VLDLR: variants seen among roughly 807,000 people sequenced by gnomAD.
VLDLR encodes the protein very low-density lipoprotein receptor.
In VLDLR, 81 loss-of-function variants were observed where a neutral mutation model predicts 112.7. The observed-to-expected ratio is 0.72, with a 90% CI of 0.60 to 0.86. VLDLR has a LOEUF of 0.86. Among genes scored for constraint, VLDLR ranks in the 40% least tolerant of loss-of-function variants. The probability of loss-of-function intolerance (pLI) is 0.00; values close to 1 mark genes in which losing one functional copy is unlikely to be tolerated. For synonymous variants in VLDLR, 436 were observed against 384.8 expected (o/e 1.13, Z -1.56); for missense variants, 1,237 against 1,099.4 (o/e 1.13, Z -1.77).
intron 11 of VLDLR, among the ~76,000 whole-genome samples, chr9:2,646,768 T>A (rs1277783445): frequency 6.6e-6 from 1 of 152,244 alleles, no homozygotes; most frequent in Non-Finnish European, 1.5e-5. Context: ...CTCGTATGAC[T>A]GATTGCTGGC....
At chr9:2,633,233 C>G (rs1024852639) in intron 1 of VLDLR, among the ~76,000 whole-genome samples, 2 of 152,104 alleles carry the variant, frequency 1.3e-5, no homozygotes, top group African/African-American at 4.8e-5. Flanking sequence ...TGATGCCTGT[C>G]CTGAGTCTCC....
rs1390045423 is a variant in VLDLR at position 2,658,253 on chromosome 9, TAACA to T, written c.*4389_*4392del. On this transcript the variant is annotated 3_prime_UTR_variant, in exon 19 of 19. Transcript: ENST00000382100. ...AGGGATCCATAGATAAATAAGCTAC[TAACA>T]AACTGATAACAGTGGTGTTCCATCT... The T allele has an allele frequency of 1.3e-5, 2 of 152,210 alleles. No individual in the cohort carries two copies. Among genetic ancestry groups the T allele is most frequent in the African/African-American group, 4.8e-5 (2 of 41,444 alleles). The allele number at this position is 152,210 out of a possible 1,614,324, so 9.4% of individuals were successfully genotyped here.
chr9:2,652,060 G>C (rs1173640467), intron 17 of VLDLR, 106 bp downstream of exon 17: 4 of 1,020,604 alleles, frequency 3.9e-6, no homozygotes. Context: ...ATGCTGTCTA[G>C]CATTTATGAC....
chr9:2,641,574 C>A (rs578098528), intron 4 of VLDLR, 75 bp downstream of exon 4: 1 of 1,606,766 alleles, frequency 6.2e-7, no homozygotes, highest in East Asian at 2.2e-5. Context: ...GGAAACTAAT[C>A]TAAGCCTGAA....
intron 3 of VLDLR, among the ~76,000 whole-genome samples, chr9:2,640,590 T>G (rs1817781500): frequency 6.6e-6 from 1 of 152,132 alleles, no homozygotes; most frequent in East Asian, 1.9e-4. Flanking sequence ...TGGGATCATA[T>G]AAATTGAGAT....
At chr9:2,637,681 C>T (rs1046176170) in intron 2 of VLDLR, among the ~76,000 whole-genome samples, 1 of 152,216 alleles carries the variant, frequency 6.6e-6, no homozygotes, top group African/African-American at 2.4e-5. Context: ...GTGGCTCACG[C>T]CTATAATCCC....
In VLDLR at chr9:2,639,923, G is replaced by A; in HGVS notation, c.267G>A (p.Trp89Ter). The change falls in exon 3 of 19, where the codon TGG becomes TGA. Residue 89 changes from tryptophan to a stop codon, truncating the protein, a stop_gained. Coordinates refer to ENST00000382100, the MANE Select transcript of VLDLR (RefSeq NM_003383.5). LOFTEE classifies it high-confidence loss of function. ...CNNGQCVPSR[W>*]KCDGDPDCED... ...ATGGCCAGTGTGTTCCCAGCCGATGGAAGTGTGATGGAGATCCTGACTGCG... is the reference window on the plus strand; with the variant it reads ...ATGGCCAGTGTGTTCCCAGCCGATGAAAGTGTGATGGAGATCCTGACTGCG... 6.2e-7 allele frequency: 1 copy of A among 1,614,214 alleles called. No individual in the cohort carries two copies. The highest frequency in any genetic ancestry group is 8.5e-7 in the Non-Finnish European group (1 of 1,180,038).
chr9:2,654,047 T>G lies in VLDLR; in HGVS notation c.*179T>G. ...TTTATATTACTTTTGTAAATATTCT[T>G]GTCCACATTCTACTTCAGCTTTGGA... is the stretch of plus-strand genomic sequence containing the variant. On this transcript the variant is annotated 3_prime_UTR_variant, in exon 19 of 19. Coordinates refer to ENST00000382100, the MANE Select transcript of VLDLR (RefSeq NM_003383.5). 1.6e-6 allele frequency: 1 copy of G among 631,166 alleles called. No homozygotes were observed. The highest frequency in any genetic ancestry group is 2.8e-6 in the Non-Finnish European group (1 of 358,924). The allele number at this position is 631,166 out of a possible 1,614,324, so 39.1% of individuals were successfully genotyped here.
chr9:2,656,476 T>C lies in VLDLR; in HGVS notation c.*2608T>C, dbSNP rs2130818863. On this transcript the variant is annotated 3_prime_UTR_variant, in exon 19 of 19. Transcript: ENST00000382100. ...TAAAAGAAAAAAATAGTTATATGAC[T>C]AAACTACTAGTCAATACAGCTTGCA... 1 of 152,194 alleles carries C rather than the reference T, an allele frequency of 6.6e-6. No homozygotes were observed. Among genetic ancestry groups the C allele is most frequent in the Middle Eastern group, 3.4e-3 (1 of 294 alleles). The allele number at this position is 152,194 out of a possible 1,614,324, so 9.4% of individuals were successfully genotyped here. A position where few individuals can be genotyped will look rare whatever the true frequency, so the allele number is the denominator to read the frequency against.
chr9:2,630,494 C>G (rs1259463267), intron 1 of VLDLR, among the ~76,000 whole-genome samples: 1 of 152,156 alleles, frequency 6.6e-6, no homozygotes, highest in Non-Finnish European at 1.5e-5. Context: ...TCTGTGCAGG[C>G]TGAAGTACGC....
chr9:2,627,552 ACT>A (rs1368486209), intron 1 of VLDLR, among the ~76,000 whole-genome samples: 3 of 152,054 alleles, frequency 2.0e-5, no homozygotes, highest in Non-Finnish European at 2.9e-5. Context: ...GTGAAAATGC[ACT>A]GTTTTTAAAT....
chr9:2,651,916 C>G lies in VLDLR; in HGVS notation c.2378C>G (p.Pro793Arg), dbSNP rs758903406. 2 of 1,614,096 alleles carry G rather than the reference C, an allele frequency of 1.2e-6. No individual in the cohort carries two copies. Among genetic ancestry groups the G allele is most frequent in the Admixed American group, 1.7e-5 (1 of 60,012 alleles). ...TTAVSEVSVPPKGTSAAWAIL... is the reference protein window; with the variant it reads ...TTAVSEVSVPRKGTSAAWAIL... ...GCAGTATCAGAGGTCAGTGTTCCCC[C>G]AAAAGGGACTTCTGCCGCATGGGCC... Residue 793 changes from proline to arginine, a missense_variant, in exon 17 of 19, where the codon CCA becomes CGA. Physicochemically the swap from Pro to Arg is moderately radical, Grantham distance 103. Transcript: ENST00000382100.
At chr9:2,648,621 C>T in intron 13 of VLDLR, 48 bp from the exon 14 acceptor site, 1 of 1,613,834 alleles carries the variant, frequency 6.2e-7, no homozygotes, top group South Asian at 1.1e-5. Context: ...TAGAAATGGA[C>T]TTGTGTTAAT....
chr9:2,651,264 A>G (rs1818316475), intron 15 of VLDLR, 151 bp from the exon 16 acceptor site: 5 of 648,226 alleles, frequency 7.7e-6, no homozygotes, highest in South Asian at 5.5e-5. Context: ...TGCTATTTCA[A>G]TGTTGACACA....
rs142616247 is a variant in VLDLR, at chr9:2,641,394, A to C, written c.343A>C (p.Ile115Leu). Residue 115 changes from isoleucine to leucine, a missense_variant, in exon 4 of 19, where the codon ATA becomes CTA. Physicochemically the swap from Ile to Leu is conservative, Grantham distance 5. Transcript: ENST00000382100. ...ATCAACAGATATGAGAACATGCCGCATACATGAAATCAGCTGTGGCGCCCA... is the reference window on the plus strand; with the variant it reads ...ATCAACAGATATGAGAACATGCCGCCTACATGAAATCAGCTGTGGCGCCCA... ...PEQCHMRTCR[I>L]HEISCGAHST... The C allele has an allele frequency of 3.7e-6, 6 of 1,614,134 alleles. No homozygotes were observed. The African/African-American group carries it at 6.7e-5, about 18-fold the overall frequency.
chr9:2,650,066 A>G (rs1818251851), intron 14 of VLDLR, among the ~76,000 whole-genome samples: 1 of 152,308 alleles, frequency 6.6e-6, no homozygotes, highest in African/African-American at 2.4e-5. Flanking sequence ...AACCTCGGGC[A>G]AATAGTGAGA....
At position 2,622,236 on chromosome 9, in the gene VLDLR, G is replaced by A; in HGVS notation, c.47G>A (p.Cys16Tyr). 6.7e-7 allele frequency: 1 copy of A among 1,501,546 alleles called. No homozygotes were observed. Among genetic ancestry groups the A allele is most frequent in the Non-Finnish European group, 8.8e-7 (1 of 1,131,954 alleles). The allele number at this position is 1,501,546 out of a possible 1,614,324, so 93.0% of individuals were successfully genotyped here. A position where few individuals can be genotyped will look rare whatever the true frequency, so the allele number is the denominator to read the frequency against. The change falls in exon 1 of 19, where the codon TGC becomes TAC. Residue 16 changes from cysteine (C) to tyrosine (Y), a missense_variant. Transcript: ENST00000382100. ...GCGCTCTGGCTGCTGCTCGCGCTGT[G>A]CTGGGCGCCCCGGGAGAGCGGCGCC... ...LWALWLLLAL[C>Y]WAPRESGATG...
chr9:2,650,721 A>G (rs926733717), intron 15 of VLDLR, among the ~76,000 whole-genome samples: 16 of 152,196 alleles, frequency 1.1e-4, no homozygotes, highest in African/African-American at 3.6e-4. Context: ...ATAGGAGACT[A>G]AAGTGTCAAC....
chr9:2,651,633 C>G, intron 16 of VLDLR, 135 bp downstream of exon 16: 1 of 938,250 alleles, frequency 1.1e-6, no homozygotes, highest in Non-Finnish European at 1.6e-6. Flanking sequence ...ACACCAAAGA[C>G]TTAAAACTTG....
Sources: allele counts gnomAD v4.1 joint callset (sites outside exome capture counted in the v4.1 genomes callset), GRCh38; gene constraint gnomAD v4.1.1; transcripts MANE v1.5; gene names NCBI Gene and HGNC (gene_info 2026-07-23, HGNC 2026-07-21).